PNPT1: variants seen among roughly 807,000 people sequenced by gnomAD.
The protein encoded by PNPT1 is polyribonucleotide nucleotidyltransferase 1, also known as polyribonucleotide nucleotidyltransferase 1, mitochondrial.
A neutral mutation model predicts 119.5 loss-of-function variants in PNPT1; 53 were observed. The ratio of observed to expected loss-of-function variants is 0.44; its 90% confidence interval spans 0.36 to 0.56. PNPT1 has a LOEUF of 0.56. PNPT1 is among the 20% of genes least tolerant of loss of function. The pLI is 0.00. For synonymous variants in PNPT1, 357 were observed against 322.1 expected (o/e 1.11, Z -1.16); for missense variants, 948 against 938.5 (o/e 1.01, Z -0.13).
Position 55,643,377 on chromosome 2 carries a change from G to T in PNPT1, c.1955C>A (p.Pro652Gln), listed in dbSNP as rs992009131. 6.2e-7 allele frequency: 1 copy of T among 1,614,036 alleles called. No homozygotes were observed. Among genetic ancestry groups the T allele is most frequent in the African/African-American group, 1.3e-5 (1 of 74,910 alleles). Residue 652 changes from proline (P) to glutamine (Q), a missense_variant, in exon 24 of 28, where the codon CCA becomes CAA. Pro to Gln is a moderately conservative substitution (Grantham distance 76, BLOSUM62 -1). Coordinates refer to ENST00000447944, the MANE Select transcript of PNPT1 (RefSeq NM_033109.5). ...VDEETFSVFA[P>Q]TPSAMHEARD... The stretch of plus-strand genomic sequence containing the variant: ...TGCCTCATGCATAGCACTGGGTGTT[G>T]GTGCAAATACAGAAAACGTTTCTTC...
intron 18 of PNPT1, among the ~76,000 whole-genome samples, chr2:55,651,083 C>A (rs1298159829): frequency 7.3e-6 from 1 of 137,288 alleles, no homozygotes; most frequent in African/African-American, 2.7e-5. Flanking sequence ...GGGGGGTCAG[C>A]CCCCCCGCCC....
intron 8 of PNPT1, among the ~76,000 whole-genome samples, chr2:55,674,358 C>T (rs935764631): frequency 1.3e-5 from 2 of 152,122 alleles, no homozygotes; most frequent in Non-Finnish European, 2.9e-5. Context: ...CTTTGGGAGG[C>T]TAAAGTGGGC....
intron 1 of PNPT1, 106 bp from the exon 2 acceptor site, chr2:55,687,811 C>T: frequency 1.4e-6 from 1 of 701,310 alleles, no homozygotes; most frequent in Non-Finnish European, 2.2e-6. Flanking sequence ...AACCCCCAAC[C>T]CACCCACTCC....
rs1696955480 is a variant in PNPT1 at position 55,672,829 on chromosome 2, C to G, written c.866+64G>C. The stretch of plus-strand genomic sequence containing the variant: ...TGGGCAGTGCTTCCATGGGAAGTTT[C>G]TCTCCCACGAGGAAATTAAATCTGA... On this transcript the variant is annotated intron_variant, in intron 9 of 27. Transcript: ENST00000447944. 5 of 1,446,968 alleles carry G rather than the reference C, an allele frequency of 3.5e-6. No individual in the cohort carries two copies. In the Admixed American group the frequency reaches 1.1e-4, roughly 33 times the overall value. 89.6% of individuals were successfully genotyped at this position (1,446,968 alleles called of 1,614,324 possible). A position where few individuals can be genotyped will look rare whatever the true frequency, so the allele number is the denominator to read the frequency against.
intron 26 of PNPT1, among the ~76,000 whole-genome samples, chr2:55,639,591 TCTTTA>T (rs1341189065): frequency 6.6e-6 from 1 of 152,210 alleles, no homozygotes; most frequent in African/African-American, 2.4e-5. Context: ...TTGTTCATGT[TCTTTA>T]CTTATTTTTC....
intron 12 of PNPT1, among the ~76,000 whole-genome samples, chr2:55,667,585 CAA>C (rs61218984): frequency 4.4e-5 from 6 of 135,848 alleles, no homozygotes; most frequent in Non-Finnish European, 4.9e-5. Flanking sequence ...GACTCTGTCT[CAA>C]AAAAAAAAAA....
chr2:55,670,026 TG>T (rs766439853), intron 11 of PNPT1, among the ~76,000 whole-genome samples: 20 of 152,246 alleles, frequency 1.3e-4, no homozygotes, highest in Non-Finnish European at 2.5e-4. Flanking sequence ...CCCAAAGTGC[TG>T]GGATTACAGG....
intron 13 of PNPT1, among the ~76,000 whole-genome samples, chr2:55,665,021 T>G (rs1433240199): frequency 6.6e-6 from 1 of 152,120 alleles, no homozygotes; most frequent in Non-Finnish European, 1.5e-5. Context: ...TTGAGGGGAT[T>G]GAACAAACAG....
At chr2:55,674,352 G>A (rs2104132592) in intron 8 of PNPT1, among the ~76,000 whole-genome samples, 1 of 152,314 alleles carries the variant, frequency 6.6e-6, no homozygotes, top group Non-Finnish European at 1.5e-5. Flanking sequence ...CCAGCACTTT[G>A]GGAGGCTAAA....
rs1381025165 is a variant in PNPT1, at chr2:55,687,673, C to T, written c.194G>A (p.Arg65Lys). Residue 65 changes from arginine (R) to lysine (K), a missense_variant, in exon 2 of 28, where the codon AGA (arginine) becomes AAA (lysine). Coordinates refer to ENST00000447944, the MANE Select transcript of PNPT1 (RefSeq NM_033109.5). The part of the protein sequence containing the change: ...KLEISSGKLA[R>K]FADGSAVVQS... ...TACTACAGCAGAGCCATCTGCAAAT[C>T]TGGCCAGCTTTCCAGAAGATATTTC... 6.2e-7 allele frequency: 1 copy of T among 1,600,242 alleles called. No individual in the cohort carries two copies. The highest frequency in any genetic ancestry group is 1.1e-5 in the South Asian group (1 of 87,674).
intron 5 of PNPT1, among the ~76,000 whole-genome samples, chr2:55,683,532 G>C (rs1007652864): frequency 4.0e-5 from 6 of 149,298 alleles, no homozygotes; most frequent in South Asian, 2.1e-4. Context: ...AGAATCACTT[G>C]AACCTGGGAG....
rs1695597664 is a variant in PNPT1, at chr2:55,634,317, A to G, written c.*1920T>C. 6.7e-6 allele frequency: 1 copy of G among 150,076 alleles called. No individual in the cohort carries two copies. Among genetic ancestry groups the G allele is most frequent in the African/African-American group, 2.5e-5 (1 of 40,566 alleles). The allele number at this position is 150,076 out of a possible 1,614,324, so 9.3% of individuals were successfully genotyped here. On this transcript the variant is annotated 3_prime_UTR_variant, in exon 28 of 28. Coordinates refer to ENST00000447944, the MANE Select transcript of PNPT1 (RefSeq NM_033109.5). ...TGCTCTGTCGCCCAGGCTGGAGTGC[A>G]ATGGCGCAATCTCGGCTCACTGCAA...
At chr2:55,660,291 AC>A (rs1365226061) in intron 14 of PNPT1, 98 bp from the exon 15 acceptor site, 1 of 1,254,220 alleles carries the variant, frequency 8.0e-7, no homozygotes, top group African/African-American at 1.5e-5. Flanking sequence ...TTACAAAAGA[AC>A]TAGGTGTTAA....
chr2:55,693,318 G>T (rs539930762), intron 1 of PNPT1, among the ~76,000 whole-genome samples: 1 of 152,112 alleles, frequency 6.6e-6, no homozygotes, highest in Admixed American at 6.5e-5. Flanking sequence ...CATCCCGGGG[G>T]GCCTCGTCTC....
chr2:55,647,303 T>G (rs775436653), intron 19 of PNPT1, 44 bp downstream of exon 19: 3 of 1,417,536 alleles, frequency 2.1e-6, no homozygotes, highest in Non-Finnish European at 2.0e-6. Flanking sequence ...TTTATTTATT[T>G]TTAGTCTTCA....
chr2:55,639,823 C>T (rs1695784953), intron 26 of PNPT1, among the ~76,000 whole-genome samples: 1 of 152,100 alleles, frequency 6.6e-6, no homozygotes, highest in African/African-American at 2.4e-5. Flanking sequence ...CTTATTAAAA[C>T]ATCCAATTTT....
At chr2:55,643,556 G>T in intron 23 of PNPT1, 131 bp from the exon 24 acceptor site, 1 of 720,112 alleles carries the variant, frequency 1.4e-6, no homozygotes, top group Non-Finnish European at 2.4e-6. Context: ...GCCAGCCTGG[G>T]CAACATAGGG....
At chr2:55,673,509 C>T (rs549152910) in intron 8 of PNPT1, among the ~76,000 whole-genome samples, 16 of 150,318 alleles carry the variant, frequency 1.1e-4, no homozygotes, top group Middle Eastern at 3.4e-3. Flanking sequence ...AGTGCAGTGG[C>T]GCAATCTCGG....
At chr2:55,693,284 C>T (rs1316456993) in intron 1 of PNPT1, among the ~76,000 whole-genome samples, 2 of 152,200 alleles carry the variant, frequency 1.3e-5, no homozygotes, top group South Asian at 2.1e-4. Flanking sequence ...GCATCAGAGC[C>T]CCAGCTTCCA....
Sources: allele counts gnomAD v4.1 joint callset (sites outside exome capture counted in the v4.1 genomes callset), GRCh38; gene constraint gnomAD v4.1.1; transcripts MANE v1.5; gene names NCBI Gene and HGNC (gene_info 2026-07-23, HGNC 2026-07-21).